The following FBXO40 variants were observed in gnomAD, a reference collection of about 807,000 sequenced individuals.
FBXO40 encodes F-box protein 40, also known as F-box only protein 40.
In FBXO40, 50 loss-of-function variants were observed where a neutral mutation model predicts 49.9. The ratio of observed to expected loss-of-function variants is 1.00; its 90% CI spans 0.80 to 1.27. The LOEUF is 1.27. Ranked by LOEUF, FBXO40 falls within the 50% of genes most tolerant of loss-of-function variation. The pLI, the probability that FBXO40 is intolerant of heterozygous loss-of-function variation, is 0.00. For synonymous variants in FBXO40, 340 were observed against 320.2 expected (o/e 1.06, Z -0.66); for missense variants, 895 against 870.1 (o/e 1.03, Z -0.36).
intron 1 of FBXO40, among the ~76,000 whole-genome samples, chr3:121,610,802 G>A (rs1352081350): frequency 5.9e-5 from 9 of 152,040 alleles, no homozygotes; most frequent in East Asian, 1.9e-4. Flanking sequence ...CACCACATAC[G>A]GCTAATTTTT....
At position 121,626,842 on chromosome 3, in the gene FBXO40, C is replaced by G; in HGVS notation, c.2062C>G (p.Arg688Gly). ...PILLTSMCQP[R>G]EQARESLVST... ...TCTTTTGACTAGCATGTGTCAGCCC[C>G]GTGAGCAGGCCCGAGAGAGCTTAGT... Residue 688 changes from arginine (R) to glycine (G), a missense_variant, in exon 4 of 4, where the codon CGT becomes GGT. Arg to Gly is a moderately radical substitution (Grantham distance 125, BLOSUM62 -2). Transcript: ENST00000338040. The G allele has an allele frequency of 6.2e-7, 1 of 1,614,152 alleles. No individual in the cohort carries two copies. The highest frequency in any genetic ancestry group is 8.5e-7 in the Non-Finnish European group (1 of 1,180,028).
intron 1 of FBXO40, among the ~76,000 whole-genome samples, chr3:121,594,421 G>A (rs1576448136): frequency 6.6e-6 from 1 of 152,102 alleles, no homozygotes; most frequent in East Asian, 1.9e-4. Flanking sequence ...GGCTGGTCTT[G>A]AACTCCTGGC....
intron 1 of FBXO40, among the ~76,000 whole-genome samples, chr3:121,614,300 G>A (rs1343742105): frequency 6.7e-6 from 1 of 149,582 alleles, no homozygotes; most frequent in East Asian, 1.9e-4. Context: ...AAATTAGCTG[G>A]GCGTGGTGGT....
Position 121,627,709 on chromosome 3 carries a change from T to A in FBXO40, c.*799T>A. The stretch of plus-strand genomic sequence containing the variant: ...AATGACTTAAGGGTCAAGATTTTTT[T>A]CTTCTGAAAATTATGTTCTGAGTTA... On this transcript the variant is annotated 3_prime_UTR_variant, in exon 4 of 4. Coordinates refer to ENST00000338040, the MANE Select transcript of FBXO40 (RefSeq NM_016298.4). 2.5e-6 allele frequency: 1 copy of A among 396,792 alleles called. No individual in the cohort carries two copies. Among genetic ancestry groups the A allele is most frequent in the Non-Finnish European group, 4.4e-6 (1 of 225,552 alleles). The allele number at this position is 396,792 out of a possible 1,614,324, so 24.6% of individuals were successfully genotyped here. A position where few individuals can be genotyped will look rare whatever the true frequency, so the allele number is the denominator to read the frequency against.
At chr3:121,596,477 A>G (rs185776894) in intron 1 of FBXO40, among the ~76,000 whole-genome samples, 89 of 152,346 alleles carry the variant, frequency 5.8e-4, no homozygotes, top group African/African-American at 2.0e-3. Context: ...TGTTACAAGG[A>G]AAGAGTCTCA....
Position 121,615,797 on chromosome 3 carries a change from G to A in FBXO40, c.-30-4749G>A, listed in dbSNP as rs990206304. ...GGCTTGGTGGGAGAAGTTTTGTCTG[G>A]CCATAAATATTCTGTAATTATAAGT... On this transcript the variant is annotated intron_variant, in intron 1 of 3. Coordinates refer to ENST00000338040, the MANE Select transcript of FBXO40 (RefSeq NM_016298.4). 3.3e-5 allele frequency among the ~76,000 whole-genome samples: 5 copies of A among 152,066 alleles called. 1 individual carries two copies. The highest frequency in any genetic ancestry group is 4.1e-4 in the South Asian group (2 of 4,824).
intron 1 of FBXO40, among the ~76,000 whole-genome samples, chr3:121,609,564 G>A (rs2048953501): frequency 6.6e-6 from 1 of 152,240 alleles, no homozygotes; most frequent in South Asian, 2.1e-4. Flanking sequence ...GTCAAACAGA[G>A]GTGTGGATCT....
intron 1 of FBXO40, among the ~76,000 whole-genome samples, chr3:121,594,685 T>C (rs568340456): frequency 3.4e-4 from 51 of 152,218 alleles, no homozygotes; most frequent in Non-Finnish European, 6.5e-4. Flanking sequence ...ACACCTTTTT[T>C]TCGCCAACAA....
Position 121,621,878 on chromosome 3 carries a change from C to T in FBXO40, c.449C>T (p.Thr150Ile), listed in dbSNP as rs909232803. 6 of 1,614,044 alleles carry T rather than the reference C, an allele frequency of 3.7e-6. No individual in the cohort carries two copies. In the African/African-American group the frequency reaches 8.0e-5, roughly 22 times the overall value. ...SLKMVELFPE[T>I]REATEEEPTM... ...AAAATGGTGGAACTTTTCCCAGAAA[C>T]TAGAGAGGCTACTGAGGAGGAACCA... is the stretch of plus-strand genomic sequence containing the variant. The change falls in exon 3 of 4, where the codon ACT (threonine) becomes ATT (isoleucine). Residue 150 changes from threonine (T) to isoleucine (I), a missense_variant. Transcript: ENST00000338040.
At chr3:121,608,640 C>T (rs2048948297) in intron 1 of FBXO40, among the ~76,000 whole-genome samples, 1 of 152,158 alleles carries the variant, frequency 6.6e-6, no homozygotes, top group Non-Finnish European at 1.5e-5. Flanking sequence ...CCACTGGTGC[C>T]CTTTAGCTTC....
rs376219025 is a variant in FBXO40 at position 121,626,567 on chromosome 3, G to A, written c.1915-128G>A. ...AGGAGGGGCTACCAAATGTCTGCAG[G>A]AGCCACTAAACACTCTGGAGTCTAA... On this transcript the variant is annotated intron_variant, in intron 3 of 3. Coordinates refer to ENST00000338040, the MANE Select transcript of FBXO40 (RefSeq NM_016298.4). The A allele has an allele frequency of 5.0e-6, 4 of 802,370 alleles. No individual in the cohort carries two copies. The Admixed American group carries it at 6.2e-5, about 12-fold the overall frequency. The allele number at this position is 802,370 out of a possible 1,614,324, so 49.7% of individuals were successfully genotyped here. A position where few individuals can be genotyped will look rare whatever the true frequency, so the allele number is the denominator to read the frequency against.
At chr3:121,601,775 A>G (rs1452960881) in intron 1 of FBXO40, among the ~76,000 whole-genome samples, 1 of 152,158 alleles carries the variant, frequency 6.6e-6, no homozygotes, top group Admixed American at 6.6e-5. Flanking sequence ...GCATTATTCC[A>G]TTTGTGATTT....
In FBXO40 at chr3:121,622,580, G is replaced by A. The variant is rs1348280245; in HGVS notation, c.1151G>A (p.Gly384Glu). The A allele has an allele frequency of 1.9e-6, 3 of 1,614,162 alleles. No individual in the cohort carries two copies. The highest frequency in any genetic ancestry group is 2.5e-6 in the Non-Finnish European group (3 of 1,180,030). The change falls in exon 3 of 4, where the codon GGG (glycine) becomes GAG (glutamate). Residue 384 changes from glycine to glutamate, a missense_variant. By Grantham distance (98) the Gly-to-Glu change is moderately conservative. Coordinates refer to ENST00000338040, the MANE Select transcript of FBXO40 (RefSeq NM_016298.4). The part of the protein sequence containing the change: ...EHKAVDTSDL[G>E]ITVEDLPKSD... ...AAGGCAGTGGATACTTCAGATTTGG[G>A]GATCACTGTGGAGGACCTGCCCAAA... is the stretch of plus-strand genomic sequence containing the variant.
chr3:121,622,657 G>A lies in FBXO40; in HGVS notation c.1228G>A (p.Gly410Ser), dbSNP rs1392227891. Residue 410 changes from glycine (G) to serine (S), a missense_variant, in exon 3 of 4, where the codon GGC becomes AGC. Physicochemically the swap from Gly to Ser is moderately conservative, Grantham distance 56 (BLOSUM62 0). Transcript: ENST00000338040. The stretch of plus-strand genomic sequence containing the variant: ...GTGTGCTTTGGAAAGAGAACTCAAA[G>A]GCCACGTCATCTCTGAATCCAGAAG... ...LQCALERELKGHVISESRSID... is the reference protein window; with the variant it reads ...LQCALERELKSHVISESRSID... 3.1e-6 allele frequency: 5 copies of A among 1,614,054 alleles called. No homozygotes were observed. The South Asian group carries it at 5.5e-5, about 18-fold the overall frequency.
intron 1 of FBXO40, among the ~76,000 whole-genome samples, chr3:121,613,514 G>A (rs2048978897): frequency 6.6e-6 from 1 of 152,152 alleles, no homozygotes; most frequent in East Asian, 1.9e-4. Flanking sequence ...CCGGCTGTCC[G>A]TGACCAGCCA....
chr3:121,609,277 G>A (rs1475468924), intron 1 of FBXO40, among the ~76,000 whole-genome samples: 2 of 151,922 alleles, frequency 1.3e-5, no homozygotes, highest in Non-Finnish European at 2.9e-5. Context: ...TTGACTTTCT[G>A]AGTAGAAATC....
rs2049013901 is a variant in FBXO40 at position 121,618,810 on chromosome 3, G to A, written c.-30-1736G>A. Among the ~76,000 whole-genome samples, 4 of 151,770 alleles carry A rather than the reference G, an allele frequency of 2.6e-5. No individual in the cohort carries two copies. The South Asian group carries it at 8.3e-4, about 31-fold the overall frequency. The stretch of plus-strand genomic sequence containing the variant: ...GAGAGAGAGACAGAGAGGAGAGAAA[G>A]AAAGGACACAAAAATGGTAAAATGT... On this transcript the variant is annotated intron_variant, in intron 1 of 3. Transcript: ENST00000338040.
chr3:121,609,193 G>T (rs764504547), intron 1 of FBXO40, among the ~76,000 whole-genome samples: 1 of 151,870 alleles, frequency 6.6e-6, no homozygotes, highest in Non-Finnish European at 1.5e-5. Flanking sequence ...TTCTGGAGGA[G>T]TGTTATAAAT....
At chr3:121,599,668 A>ACG (rs2048890873) in intron 1 of FBXO40, among the ~76,000 whole-genome samples, 5 of 133,312 alleles carry the variant, frequency 3.8e-5, no homozygotes, top group Admixed American at 3.2e-4. Flanking sequence ...ACACACACAC[A>ACG]CACATGCACA....
Sources: gnomAD v4.1 joint callset for allele counts (sites outside exome capture counted in the v4.1 genomes callset) on GRCh38, gnomAD v4.1.1 for gene constraint, MANE v1.5 for transcripts, NCBI Gene and HGNC (gene_info 2026-07-23, HGNC 2026-07-21) for gene names.